Variants in FAM13B observed in about 807,000 individuals in gnomAD.
FAM13B encodes the protein family with sequence similarity 13 member B.
Under a neutral mutation model 117.3 loss-of-function variants are expected in FAM13B, and 60 were observed. The observed-to-expected ratio is 0.51, with a 90% CI of 0.42 to 0.63. FAM13B has a LOEUF of 0.63. Among genes scored for constraint, FAM13B ranks in the 30% least tolerant of loss-of-function variants. FAM13B has a pLI of 0.00. For synonymous variants in FAM13B, 332 were observed against 356.1 expected (o/e 0.93, Z 0.76); for missense variants, 972 against 1,091.9 (o/e 0.89, Z 1.55).
At chr5:138,000,513 G>C (rs1780954144) in intron 7 of FAM13B, among the ~76,000 whole-genome samples, 1 of 152,130 alleles carries the variant, frequency 6.6e-6, no homozygotes, top group African/African-American at 2.4e-5. Flanking sequence ...TAATTTTTAA[G>C]TGTGTAAGGG....
At chr5:137,965,082 T>G (rs1050492546) in intron 10 of FAM13B, among the ~76,000 whole-genome samples, 3 of 151,990 alleles carry the variant, frequency 2.0e-5, no homozygotes, top group African/African-American at 7.2e-5. Flanking sequence ...CAAGAATCAC[T>G]TGAACCCAGT....
intron 7 of FAM13B, among the ~76,000 whole-genome samples, chr5:137,994,780 T>C (rs1779455484): frequency 6.6e-6 from 1 of 152,248 alleles, no homozygotes; most frequent in African/African-American, 2.4e-5. Context: ...CCTGACATTT[T>C]ATCCCTTCTG....
In FAM13B at chr5:137,941,993, G is replaced by A. The variant is rs749953265; in HGVS notation, c.2641C>T (p.Arg881Cys). The A allele has an allele frequency of 4.6e-5, 74 of 1,613,844 alleles. 1 individual carries two copies. The highest frequency in any genetic ancestry group is 9.9e-5 in the South Asian group (9 of 91,072). ...TCTTCAAATTCCCGCAACGTTTTGC[G>A]TAGTTTCTTTTTTTCAGCTCTGGCT... is the stretch of plus-strand genomic sequence containing the variant. ...WKARAEKKKL[R>C]KTLREFEEAF... The change falls in exon 23 of 24, where the codon CGC becomes TGC. Residue 881 changes from arginine (R) to cysteine (C), a missense_variant. Arg to Cys is a radical substitution (Grantham distance 180, BLOSUM62 -3). Coordinates refer to ENST00000689681, the MANE Select transcript of FAM13B (RefSeq NM_001385994.1).
intron 18 of FAM13B, among the ~76,000 whole-genome samples, chr5:137,948,062 G>T (rs922394580): frequency 6.6e-6 from 1 of 151,902 alleles, no homozygotes; most frequent in Non-Finnish European, 1.5e-5. Flanking sequence ...GTTCACCTGA[G>T]ACCATCTACT....
intron 13 of FAM13B, among the ~76,000 whole-genome samples, chr5:137,958,291 C>T (rs1767146635): frequency 6.6e-6 from 1 of 152,142 alleles, no homozygotes; most frequent in African/African-American, 2.4e-5. Flanking sequence ...AAATTAAAGA[C>T]AACTTTCTAA....
chr5:137,959,547 A>C, intron 13 of FAM13B, 69 bp downstream of exon 13: 1 of 1,526,720 alleles, frequency 6.5e-7, no homozygotes, highest in Non-Finnish European at 9.1e-7. Flanking sequence ...CTGTAGTCTT[A>C]TCATTGCTTA....
At chr5:137,944,777 A>C (rs13168747) in intron 20 of FAM13B, among the ~76,000 whole-genome samples, 111,296 of 150,790 alleles carry the variant, frequency 0.74, 41,756 homozygotes, top group East Asian at 0.97. Flanking sequence ...AAAAAAAAAA[A>C]ACAAAATCAT....
chr5:137,946,408 T>A, intron 18 of FAM13B, 97 bp from the exon 19 acceptor site: 1 of 760,314 alleles, frequency 1.3e-6, no homozygotes, highest in African/African-American at 1.8e-5. Context: ...ACTCCCACAA[T>A]GTAAATAATT....
chr5:138,048,293 A>G (rs1791698568), intron 1 of FAM13B, among the ~76,000 whole-genome samples: 1 of 152,254 alleles, frequency 6.6e-6, no homozygotes, highest in African/African-American at 2.4e-5. Flanking sequence ...GTACAGGGAA[A>G]GAGAGGTAGG....
intron 10 of FAM13B, among the ~76,000 whole-genome samples, chr5:137,981,611 C>T (rs570863401): frequency 6.6e-6 from 1 of 152,122 alleles, no homozygotes; most frequent in South Asian, 2.1e-4. Flanking sequence ...CACTGTGAAA[C>T]CCCGTCTCTA....
At position 137,954,041 on chromosome 5, in the gene FAM13B, C is replaced by CTTTT. The variant is rs369548946; in HGVS notation, c.1718+121_1718+124dup. On this transcript the variant is annotated intron_variant, in intron 15 of 23. Transcript: ENST00000689681. ...TATGTCTAGAAGACTCAATCTCTCTCTTTTTTTTTTTTTTTTTTTGAGATG... is the reference window on the plus strand; with the variant it reads ...TATGTCTAGAAGACTCAATCTCTCTCTTTTTTTTTTTTTTTTTTTTTTTGAGATG... 4.9e-4 allele frequency: 190 copies of CTTTT among 388,436 alleles called. 2 individuals are homozygous for CTTTT. Among genetic ancestry groups the CTTTT allele is most frequent in the Middle Eastern group, 1.6e-3 (2 of 1,286 alleles). The allele number at this position is 388,436 out of a possible 1,614,324, so 24.1% of individuals were successfully genotyped here.
rs570927024 is a variant in FAM13B, at chr5:137,982,351, G to A, written c.1179+2906C>T. On this transcript the variant is annotated intron_variant, in intron 10 of 23. Coordinates refer to ENST00000689681, the MANE Select transcript of FAM13B (RefSeq NM_001385994.1). The stretch of plus-strand genomic sequence containing the variant: ...GCAGATCACCTGAGGTCAGGAGCTC[G>A]AGACCAGTCTGGCCAACATAGTGAA... Among the ~76,000 whole-genome samples the A allele has an allele frequency of 5.3e-5, 8 of 152,240 alleles. No individual in the cohort carries two copies. In the East Asian group the frequency reaches 1.2e-3, roughly 22 times the overall value.
At chr5:137,957,540 CAAAA>C (rs35104775) in intron 13 of FAM13B, among the ~76,000 whole-genome samples, 4 of 55,430 alleles carry the variant, frequency 7.2e-5, no homozygotes, top group African/African-American at 2.4e-4. Context: ...AACTCCGTCT[CAAAA>C]AAAAAAAAAA....
At position 137,945,986 on chromosome 5, in the gene FAM13B, T is replaced by C. The variant is rs41298976; in HGVS notation, c.2256A>G (p.Glu752=). The change falls in exon 20 of 24, where the codon GAA becomes GAG. Residue 752 remains glutamate, a synonymous_variant. Transcript: ENST00000689681. ...ESQHGRPVTK[E]ERHIVKPLYD... is the part of the protein sequence containing the mutation. ...AGAGAGGTTTAACAATGTGCCTTTCTTCCTTGGTCACCTGAAGCAAGAAAA... is the reference window on the plus strand; with the variant it reads ...AGAGAGGTTTAACAATGTGCCTTTCCTCCTTGGTCACCTGAAGCAAGAAAA... 2,141 of 1,612,444 alleles carry C rather than the reference T, an allele frequency of 1.3e-3. 7 individuals are homozygous for C. Among genetic ancestry groups the C allele is most frequent in the Non-Finnish European group, 1.4e-3 (1,651 of 1,179,314 alleles).
chr5:138,006,198 A>G (rs996687170), intron 7 of FAM13B, among the ~76,000 whole-genome samples: 3 of 152,042 alleles, frequency 2.0e-5, no homozygotes, highest in Non-Finnish European at 2.9e-5. Flanking sequence ...CGCCCGGCCT[A>G]TTTCCTCTTC....
intron 10 of FAM13B, among the ~76,000 whole-genome samples, chr5:137,975,418 A>G (rs139844557): frequency 3.9e-5 from 6 of 152,286 alleles, no homozygotes; most frequent in African/African-American, 1.4e-4. Flanking sequence ...ATGCTACAAT[A>G]AAATGTGTCA....
intron 7 of FAM13B, among the ~76,000 whole-genome samples, chr5:138,002,109 T>A (rs1420946095): frequency 1.3e-5 from 2 of 152,156 alleles, no homozygotes; most frequent in Non-Finnish European, 2.9e-5. Context: ...TAATAAATGA[T>A]CTTAGTTTTT....
At chr5:137,981,178 C>T (rs1014865503) in intron 10 of FAM13B, among the ~76,000 whole-genome samples, 5 of 148,498 alleles carry the variant, frequency 3.4e-5, no homozygotes, top group Admixed American at 6.8e-5. Flanking sequence ...GCTCAAATGA[C>T]GCTCTCACCA....
At chr5:137,981,147 A>G (rs1439641114) in intron 10 of FAM13B, among the ~76,000 whole-genome samples, 1 of 139,034 alleles carries the variant, frequency 7.2e-6, no homozygotes, top group Admixed American at 7.7e-5. Flanking sequence ...TACATTGCAC[A>G]GGCAGGTTTC....
Sources: gnomAD v4.1 joint callset for allele counts (sites outside exome capture counted in the v4.1 genomes callset) on GRCh38, gnomAD v4.1.1 for gene constraint, MANE v1.5 for transcripts, NCBI Gene and HGNC (gene_info 2026-07-23, HGNC 2026-07-21) for gene names.